The following HTR1E variants were observed in gnomAD, a reference collection of about 807,000 sequenced individuals.
HTR1E encodes the protein 5-HT-1E.
Under a neutral mutation model 3.4 loss-of-function variants are expected in HTR1E, and 3 were observed. The ratio of observed to expected loss-of-function variants is 0.89; its 90% CI spans 0.41 to 2.31. HTR1E has a LOEUF of 2.31. Ranked by LOEUF, HTR1E falls within the 30% of genes most tolerant of loss-of-function variation. The probability of loss-of-function intolerance (pLI) is 0.05; values close to 1 mark genes in which losing one functional copy is unlikely to be tolerated. For missense variants in HTR1E, 392 were observed against 467.0 expected (o/e 0.84, Z 1.48); for synonymous variants, 170 against 182.8 (o/e 0.93, Z 0.56).
At chr6:86,949,045 T>G (rs983330185) in intron 1 of HTR1E, among the ~76,000 whole-genome samples, 3 of 152,244 alleles carry the variant, frequency 2.0e-5, no homozygotes, top group African/African-American at 7.2e-5. Flanking sequence ...TTCTCACTTA[T>G]GCCAATTTAA....
At chr6:86,989,570 G>A (rs987530666) in intron 1 of HTR1E, among the ~76,000 whole-genome samples, 70 of 152,082 alleles carry the variant, frequency 4.6e-4, no homozygotes, top group African/African-American at 1.7e-3. Context: ...TACATTATTG[G>A]TCCTTGTTGA....
At chr6:87,010,606 CG>C (rs1358087030) in intron 1 of HTR1E, among the ~76,000 whole-genome samples, 71 of 144,662 alleles carry the variant, frequency 4.9e-4, no homozygotes, top group African/African-American at 1.8e-3. Context: ...TGGGAAGAGG[CG>C]CTCCTCACTT....
chr6:87,007,029 G>T (rs543326567), intron 1 of HTR1E, among the ~76,000 whole-genome samples: 1 of 152,110 alleles, frequency 6.6e-6, no homozygotes, highest in Non-Finnish European at 1.5e-5. Flanking sequence ...CATGGCACAC[G>T]TTTACCTATG....
At chr6:86,961,290 T>C (rs983813431) in intron 1 of HTR1E, among the ~76,000 whole-genome samples, 2 of 152,210 alleles carry the variant, frequency 1.3e-5, no homozygotes, top group Non-Finnish European at 1.5e-5. Flanking sequence ...TTATAATGCT[T>C]ACCTACTGAA....
At chr6:87,008,043 G>A (rs530737811) in intron 1 of HTR1E, among the ~76,000 whole-genome samples, 1 of 152,244 alleles carries the variant, frequency 6.6e-6, no homozygotes, top group South Asian at 2.1e-4. Flanking sequence ...CAAAAGACTT[G>A]TATCCAGAGT....
chr6:86,985,387 A>G (rs1767771061), intron 1 of HTR1E, among the ~76,000 whole-genome samples: 1 of 152,204 alleles, frequency 6.6e-6, no homozygotes, highest in South Asian at 2.1e-4. Flanking sequence ...TATACTTATG[A>G]TTAACATTTT....
At chr6:86,941,904 AGGG>A (rs1204742955) in intron 1 of HTR1E, among the ~76,000 whole-genome samples, 1 of 151,960 alleles carries the variant, frequency 6.6e-6, no homozygotes, top group Non-Finnish European at 1.5e-5. Flanking sequence ...GGAGGGAAGG[AGGG>A]AAGTGTTATA....
At chr6:86,948,045 C>A (rs374694472) in intron 1 of HTR1E, among the ~76,000 whole-genome samples, 262 of 152,190 alleles carry the variant, frequency 1.7e-3, no homozygotes, top group African/African-American at 6.1e-3. Context: ...CCCTCCACCC[C>A]GCGACAGGCC....
At chr6:86,945,157 G>A (rs1473666856) in intron 1 of HTR1E, among the ~76,000 whole-genome samples, 3 of 152,250 alleles carry the variant, frequency 2.0e-5, no homozygotes, top group African/African-American at 4.8e-5. Flanking sequence ...ACCTTCCAAC[G>A]GACAGGATGT....
At chr6:86,980,147 G>A (rs1440427706) in intron 1 of HTR1E, among the ~76,000 whole-genome samples, 1 of 152,098 alleles carries the variant, frequency 6.6e-6, no homozygotes, top group Non-Finnish European at 1.5e-5. Context: ...CAGCACTTTG[G>A]GAGGCCGAGG....
chr6:86,950,763 T>C (rs1032869565), intron 1 of HTR1E, among the ~76,000 whole-genome samples: 2 of 152,152 alleles, frequency 1.3e-5, no homozygotes, highest in Admixed American at 1.3e-4. Context: ...AGTTTTGTCA[T>C]TAGATGAGTA....
At chr6:86,959,443 G>A (rs1049332964) in intron 1 of HTR1E, among the ~76,000 whole-genome samples, 1 of 151,864 alleles carries the variant, frequency 6.6e-6, no homozygotes, top group Non-Finnish European at 1.5e-5. Flanking sequence ...TTAGCCAGGC[G>A]CCATGGCACC....
chr6:86,987,959 G>A (rs1286012967), intron 1 of HTR1E, among the ~76,000 whole-genome samples: 1 of 152,146 alleles, frequency 6.6e-6, no homozygotes, highest in Admixed American at 6.6e-5. Flanking sequence ...GACTTTCGGA[G>A]AGGACATAGT....
At chr6:86,976,298 T>C (rs1767637784) in intron 1 of HTR1E, among the ~76,000 whole-genome samples, 1 of 151,894 alleles carries the variant, frequency 6.6e-6, no homozygotes, top group Non-Finnish European at 1.5e-5. Context: ...GTAGTGGGAG[T>C]GGCATTCAGG....
chr6:86,938,327 TAAAC>T (rs1159201786), intron 1 of HTR1E, among the ~76,000 whole-genome samples: 1 of 152,172 alleles, frequency 6.6e-6, no homozygotes, highest in African/African-American at 2.4e-5. Flanking sequence ...TCAGTCCTGA[TAAAC>T]AAAATGCCCA....
chr6:87,010,349 C>G (rs1363055120), intron 1 of HTR1E, among the ~76,000 whole-genome samples: 5 of 117,330 alleles, frequency 4.3e-5, no homozygotes, highest in African/African-American at 1.7e-4. Context: ...GACGGGGCGG[C>G]TGGCCGGGCG....
chr6:86,952,564 ATATG>A (rs1767262351), intron 1 of HTR1E, among the ~76,000 whole-genome samples: 2 of 152,030 alleles, frequency 1.3e-5, no homozygotes, highest in Admixed American at 6.6e-5. Context: ...TCCCTGCCAT[ATATG>A]ACTTAACCAT....
At chr6:86,995,567 G>A (rs1178485713) in intron 1 of HTR1E, among the ~76,000 whole-genome samples, 2 of 148,312 alleles carry the variant, frequency 1.3e-5, no homozygotes, top group Non-Finnish European at 3.0e-5. Context: ...TCGGAAGGCT[G>A]AGGCAGAAGA....
intron 1 of HTR1E, among the ~76,000 whole-genome samples, chr6:87,005,949 A>G (rs533418599): frequency 6.6e-6 from 1 of 152,358 alleles, no homozygotes; most frequent in East Asian, 1.9e-4. Flanking sequence ...CATTTCTCAA[A>G]AGAAGACATA....
Sources: gnomAD v4.1 joint callset for allele counts (sites outside exome capture counted in the v4.1 genomes callset) on GRCh38, gnomAD v4.1.1 for gene constraint, MANE v1.5 for transcripts, NCBI Gene and HGNC (gene_info 2026-07-23, HGNC 2026-07-21) for gene names.